SGCE: variants seen among roughly 807,000 people sequenced by gnomAD.
The protein encoded by SGCE is sarcoglycan epsilon.
SGCE carries 26 observed loss-of-function variants against 57.8 expected under a neutral mutation model. That is an observed-to-expected ratio of 0.45 (90% CI 0.33 to 0.62). The LOEUF (loss-of-function observed/expected upper bound fraction) is 0.62, where lower values mean the gene tolerates loss of function less well. Ranked by LOEUF, SGCE falls within the 20% of genes least tolerant of loss-of-function variation. SGCE has a pLI of 0.02. For synonymous variants in SGCE, 183 were observed against 189.5 expected (o/e 0.97, Z 0.28); for missense variants, 468 against 548.6 (o/e 0.85, Z 1.47).
At chr7:94,602,106 C>T (rs1053810996) in intron 6 of SGCE, among the ~76,000 whole-genome samples, 4 of 152,046 alleles carry the variant, frequency 2.6e-5, no homozygotes, top group African/African-American at 9.7e-5. Flanking sequence ...TCCAGAACAA[C>T]CACAAGTAAA....
At chr7:94,595,689 A>G (rs1033469028) in intron 9 of SGCE, among the ~76,000 whole-genome samples, 2 of 152,160 alleles carry the variant, frequency 1.3e-5, no homozygotes, top group African/African-American at 4.8e-5. Context: ...CTTTTAAAAC[A>G]TAGCTGTTTT....
chr7:94,655,465 G>C (rs909726396), intron 1 of SGCE, among the ~76,000 whole-genome samples: 2 of 151,946 alleles, frequency 1.3e-5, no homozygotes, highest in Non-Finnish European at 2.9e-5. Flanking sequence ...CTTAGCAAGA[G>C]GGGGAAATTC....
chr7:94,655,068 C>A (rs940378095), intron 1 of SGCE, among the ~76,000 whole-genome samples: 12 of 152,166 alleles, frequency 7.9e-5, no homozygotes, highest in Admixed American at 6.5e-4. Flanking sequence ...TACAAATGCA[C>A]GCAAATATTT....
At chr7:94,632,387 G>C (rs1451076758) in intron 1 of SGCE, among the ~76,000 whole-genome samples, 1 of 152,014 alleles carries the variant, frequency 6.6e-6, no homozygotes, top group African/African-American at 2.4e-5. Flanking sequence ...ACAGAGCCAA[G>C]ACACAATCTA....
At chr7:94,644,651 G>A (rs1239376319) in intron 1 of SGCE, 2 of 1,285,790 alleles carry the variant, frequency 1.6e-6, no homozygotes, top group Non-Finnish European at 2.0e-6. Flanking sequence ...TACTTCATTT[G>A]TCTCTTTCAT....
At chr7:94,640,095 G>A (rs534464756) in intron 1 of SGCE, among the ~76,000 whole-genome samples, 1 of 152,120 alleles carries the variant, frequency 6.6e-6, no homozygotes, top group East Asian at 1.9e-4. Context: ...AATCAAAGAC[G>A]CCTTTGAATT....
At chr7:94,627,011 AC>A (rs1803825025) in intron 3 of SGCE, 2 of 152,000 alleles carry the variant, frequency 1.3e-5, no homozygotes, top group Non-Finnish European at 2.9e-5. Context: ...TTCTTTTATA[AC>A]TTTTACTGAA....
intron 3 of SGCE, chr7:94,626,800 T>C (rs1045009786): frequency 6.6e-6 from 1 of 152,048 alleles, no homozygotes; most frequent in Non-Finnish European, 1.5e-5. Context: ...CATTTTACTA[T>C]GAAGAATGAT....
intron 10 of SGCE, 104 bp downstream of exon 10, chr7:94,588,585 C>G (rs1443507489): frequency 1.7e-5 from 27 of 1,550,486 alleles, no homozygotes; most frequent in Non-Finnish European, 2.3e-5. Flanking sequence ...AGTGTTTTGC[C>G]TTATTTGGTG....
rs1193536349 is a variant in SGCE, at chr7:94,618,624, G to A, written c.662+134C>T. ...TGCCAATATAGAAAATTACTAGTAT[G>A]TTCATATCTTTACAATATCTATTTC... is the stretch of plus-strand genomic sequence containing the variant. On this transcript the variant is annotated intron_variant, in intron 5 of 10. Coordinates refer to ENST00000648936, the MANE Select transcript of SGCE (RefSeq NM_003919.3). 5 of 718,370 alleles carry A rather than the reference G, an allele frequency of 7.0e-6. No homozygotes were observed. The Admixed American group carries it at 8.0e-5, about 11-fold the overall frequency. The allele number at this position is 718,370 out of a possible 1,614,324, so 44.5% of individuals were successfully genotyped here.
At chr7:94,594,452 C>T (rs1272967178) in intron 9 of SGCE, 1 of 152,100 alleles carries the variant, frequency 6.6e-6, no homozygotes, top group East Asian at 1.9e-4. Flanking sequence ...CTCCTCATGA[C>T]TGTCGAGGTC....
chr7:94,655,856 G>A (rs1394435810), intron 1 of SGCE, 134 bp downstream of exon 1: 1 of 669,392 alleles, frequency 1.5e-6, no homozygotes, highest in Non-Finnish European at 2.7e-6. Flanking sequence ...TGAAGGAGGG[G>A]TACGGTGGGG....
At chr7:94,644,057 A>G (rs1028815962) in intron 1 of SGCE, among the ~76,000 whole-genome samples, 1 of 152,252 alleles carries the variant, frequency 6.6e-6, no homozygotes, top group African/African-American at 2.4e-5. Flanking sequence ...ATGGTAATCT[A>G]CATTACAATT....
At chr7:94,629,407 G>T in intron 2 of SGCE, 1 of 284,344 alleles carries the variant, frequency 3.5e-6, no homozygotes, top group South Asian at 3.6e-5. Context: ...GAGAATCTAG[G>T]TCTTAATATA....
In SGCE at chr7:94,628,191, G is replaced by A. The variant is rs368448385; in HGVS notation, c.390+11C>T. The A allele has an allele frequency of 6.2e-7, 1 of 1,604,590 alleles. No individual in the cohort carries two copies. Among genetic ancestry groups the A allele is most frequent in the African/African-American group, 1.3e-5 (1 of 74,496 alleles). On this transcript the variant is annotated intron_variant, in intron 3 of 10. Transcript: ENST00000648936. ...ATATGTATAGTTTTGCTCTTTCTAG[G>A]TGTAAATTACCTCAATGATTGTTGG...
At chr7:94,634,908 CAAAT>C (rs1278588471) in intron 1 of SGCE, among the ~76,000 whole-genome samples, 4 of 152,046 alleles carry the variant, frequency 2.6e-5, no homozygotes, top group Non-Finnish European at 5.9e-5. Flanking sequence ...TGTGAACTGT[CAAAT>C]AAAAAATGGA....
chr7:94,651,427 C>T (rs940811836), intron 1 of SGCE, among the ~76,000 whole-genome samples: 3 of 152,298 alleles, frequency 2.0e-5, no homozygotes, highest in East Asian at 1.9e-4. Flanking sequence ...GATACCCTGA[C>T]GCAAACCCAA....
chr7:94,638,751 T>C (rs899068964), intron 1 of SGCE, among the ~76,000 whole-genome samples: 9 of 152,190 alleles, frequency 5.9e-5, no homozygotes, highest in African/African-American at 2.2e-4. Flanking sequence ...TGAAATGCGT[T>C]ATTTCAAAGG....
chr7:94,633,516 T>C (rs1005044165), intron 1 of SGCE, among the ~76,000 whole-genome samples: 6 of 152,248 alleles, frequency 3.9e-5, no homozygotes, highest in East Asian at 1.9e-4. Context: ...AAAACTGTTA[T>C]CTGTATGTTT....
Sources: allele counts gnomAD v4.1 joint callset (sites outside exome capture counted in the v4.1 genomes callset), GRCh38; gene constraint gnomAD v4.1.1; transcripts MANE v1.5; gene names NCBI Gene and HGNC (gene_info 2026-07-23, HGNC 2026-07-21).